Variants in AFF3 observed in about 807,000 individuals in gnomAD.
AFF3 encodes AF4/FMR2 family member 3.
A neutral mutation model predicts 129.7 loss-of-function variants in AFF3; 32 were observed. The observed-to-expected ratio is 0.25, with a 90% CI of 0.19 to 0.33. AFF3 has a LOEUF of 0.33. Ranked by LOEUF, AFF3 falls within the 10% of genes least tolerant of loss-of-function variation. The pLI is 1.00. For synonymous variants in AFF3, 644 were observed against 635.4 expected (o/e 1.01, Z -0.20); for missense variants, 1,373 against 1,592.0 (o/e 0.86, Z 2.34).
chr2:99,911,714 T>C (rs1351335955), intron 7 of AFF3, among the ~76,000 whole-genome samples: 1 of 152,216 alleles, frequency 6.6e-6, no homozygotes, highest in African/African-American at 2.4e-5. Flanking sequence ...GGTAAACGAA[T>C]GGCAGCCCAG....
chr2:100,110,623 A>G (rs1362852568), intron 2 of AFF3, among the ~76,000 whole-genome samples: 1 of 152,236 alleles, frequency 6.6e-6, no homozygotes, highest in Non-Finnish European at 1.5e-5. Flanking sequence ...GAAGATCCCC[A>G]CAAGGTCCTT....
chr2:99,927,414 C>T (rs957157891), intron 7 of AFF3, among the ~76,000 whole-genome samples: 1 of 152,134 alleles, frequency 6.6e-6, no homozygotes, highest in Admixed American at 6.5e-5. Context: ...AGAATGAGAT[C>T]GTGCCCTGTG....
At position 99,671,588 on chromosome 2, in the gene AFF3, C is replaced by T. The variant is rs1268371453; in HGVS notation, c.1143+950G>A. ...AGTTATTTGTATTTGCATGTCTAGA[C>T]AGCAAATCATCTGCATAGCATTTCA... On this transcript the variant is annotated intron_variant, in intron 12 of 24. Transcript: ENST00000672756. Among the ~76,000 whole-genome samples, 6 of 152,152 alleles carry T rather than the reference C, an allele frequency of 3.9e-5. No homozygotes were observed. In the East Asian group the frequency reaches 1.2e-3, roughly 29 times the overall value.
At position 99,547,724 on chromosome 2, in the gene AFF3, C is replaced by T. The variant is rs1674133325; in HGVS notation, c.*3750G>A. On this transcript the variant is annotated 3_prime_UTR_variant, in exon 25 of 25. Coordinates refer to ENST00000672756, the MANE Select transcript of AFF3 (RefSeq NM_001386135.1). The stretch of plus-strand genomic sequence containing the variant: ...GCACTAGTAATATCCTTCAGGCGTA[C>T]TACAGTTTTATGTTAGCTGTATTGT... 1 of 209,032 alleles carries T rather than the reference C, an allele frequency of 4.8e-6. No individual in the cohort carries two copies. Among genetic ancestry groups the T allele is most frequent in the Non-Finnish European group, 9.7e-6 (1 of 102,678 alleles). The allele number at this position is 209,032 out of a possible 1,614,324, so 12.9% of individuals were successfully genotyped here. A position where few individuals can be genotyped will look rare whatever the true frequency, so the allele number is the denominator to read the frequency against.
At chr2:100,067,001 C>T (rs1244830840) in intron 4 of AFF3, among the ~76,000 whole-genome samples, 2 of 152,144 alleles carry the variant, frequency 1.3e-5, no homozygotes, top group African/African-American at 2.4e-5. Flanking sequence ...ACAAACACAA[C>T]CTGCAGAAAA....
rs4851214 is a variant in AFF3 at position 99,601,618 on chromosome 2, G to A, written c.1188C>T (p.Ala396=). The change falls in exon 14 of 25, where the codon GCC becomes GCT. Residue 396 remains alanine, a synonymous_variant. Transcript: ENST00000672756. ...TTCTGCAGTTGGGCTGCTGGACCACGGCGCTGCCAGCCCGCGAGGCCCCCG... is the reference window on the plus strand; with the variant it reads ...TTCTGCAGTTGGGCTGCTGGACCACAGCGCTGCCAGCCCGCGAGGCCCCCG... ...RTALRALSDS[A]VVQQPNCRTS... is the part of the protein sequence containing the mutation. The A allele has an allele frequency of 0.27, 434,943 of 1,590,294 alleles. 62,596 individuals carry two copies. Among genetic ancestry groups the A allele is most frequent in the East Asian group, 0.37 (16,309 of 44,492 alleles).
At chr2:99,925,676 A>T (rs1696186653) in intron 7 of AFF3, among the ~76,000 whole-genome samples, 1 of 152,202 alleles carries the variant, frequency 6.6e-6, no homozygotes, top group South Asian at 2.1e-4. Context: ...ACAGGGTTCA[A>T]GTCCTGGCCC....
chr2:99,874,140 G>A (rs1692098513), intron 7 of AFF3, among the ~76,000 whole-genome samples: 1 of 152,164 alleles, frequency 6.6e-6, no homozygotes, highest in Non-Finnish European at 1.5e-5. Context: ...TCGCGCCACT[G>A]CACTCCAGCC....
At chr2:99,607,490 C>T (rs1268051790) in intron 13 of AFF3, among the ~76,000 whole-genome samples, 1 of 151,852 alleles carries the variant, frequency 6.6e-6, no homozygotes, top group Non-Finnish European at 1.5e-5. Context: ...CGAGATTGTG[C>T]CACTGCACTC....
intron 11 of AFF3, among the ~76,000 whole-genome samples, chr2:99,722,481 C>T (rs1678996493): frequency 6.6e-6 from 1 of 152,094 alleles, no homozygotes; most frequent in Non-Finnish European, 1.5e-5. Flanking sequence ...TCGGTTTTGC[C>T]CTTAATGTTA....
At chr2:99,634,752 T>C (rs1683457964) in intron 13 of AFF3, among the ~76,000 whole-genome samples, 1 of 151,746 alleles carries the variant, frequency 6.6e-6, no homozygotes, top group African/African-American at 2.4e-5. Flanking sequence ...TTTTTTGTCA[T>C]CTTCTATATT....
At position 99,546,265 on chromosome 2, in the gene AFF3, G is replaced by A. The variant is rs1024312856; in HGVS notation, c.*5209C>T. The A allele has an allele frequency of 4.3e-6, 1 of 232,658 alleles. No homozygotes were observed. Among genetic ancestry groups the A allele is most frequent in the African/African-American group, 2.2e-5 (1 of 45,434 alleles). 14.4% of individuals were successfully genotyped at this position (232,658 alleles called of 1,614,324 possible). ...TTGAAAGACTGCTGGGTGTTTCTTA[G>A]CACAAACCACCTCTGAAAGAGTATC... On this transcript the variant is annotated 3_prime_UTR_variant, in exon 25 of 25. Coordinates refer to ENST00000672756, the MANE Select transcript of AFF3 (RefSeq NM_001386135.1).
intron 8 of AFF3, among the ~76,000 whole-genome samples, chr2:99,817,769 G>C (rs1225819368): frequency 6.6e-6 from 1 of 152,182 alleles, no homozygotes; most frequent in African/African-American, 2.4e-5. Context: ...TCAAGCACAT[G>C]TTGCAGCTTC....
intron 8 of AFF3, among the ~76,000 whole-genome samples, chr2:99,815,344 A>C (rs1687138330): frequency 6.6e-6 from 1 of 152,168 alleles, no homozygotes; most frequent in Admixed American, 6.5e-5. Context: ...ACCACCATCC[A>C]TCTGTAGAAC....
At chr2:100,037,497 TAA>T (rs1408575741) in intron 4 of AFF3, among the ~76,000 whole-genome samples, 1 of 66,784 alleles carries the variant, frequency 1.5e-5, no homozygotes, top group Non-Finnish European at 2.7e-5. Context: ...TATTTATATA[TAA>T]ATATATATTT....
At chr2:99,725,730 T>C (rs369307304) in intron 11 of AFF3, among the ~76,000 whole-genome samples, 54 of 152,372 alleles carry the variant, frequency 3.5e-4, no homozygotes, top group Non-Finnish European at 6.8e-4. Context: ...TTTTTAACTA[T>C]GTAAAATTAA....
chr2:99,915,963 T>C (rs894027259), intron 7 of AFF3, among the ~76,000 whole-genome samples: 2 of 152,204 alleles, frequency 1.3e-5, no homozygotes, highest in Admixed American at 6.5e-5. Flanking sequence ...TGGCTTTTAT[T>C]CTTCAAAAAT....
chr2:100,008,435 C>T (rs868279702), intron 5 of AFF3, among the ~76,000 whole-genome samples: 7 of 152,156 alleles, frequency 4.6e-5, no homozygotes, highest in Non-Finnish European at 8.8e-5. Flanking sequence ...GATCCATGTA[C>T]GACAAATATG....
At chr2:100,037,459 TATAA>T (rs1387387643) in intron 4 of AFF3, among the ~76,000 whole-genome samples, 2 of 117,306 alleles carry the variant, frequency 1.7e-5, no homozygotes, top group East Asian at 2.2e-4. Flanking sequence ...ATTATTTATA[TATAA>T]ATATATATTT....
Sources: allele counts gnomAD v4.1 joint callset (sites outside exome capture counted in the v4.1 genomes callset), GRCh38; gene constraint gnomAD v4.1.1; transcripts MANE v1.5; gene names NCBI Gene and HGNC (gene_info 2026-07-23, HGNC 2026-07-21).